The following GRM8 variants were observed in gnomAD, a reference collection of about 807,000 sequenced individuals.
GRM8 encodes glutamate metabotropic receptor 8.
In GRM8, 47 loss-of-function variants were observed where a neutral mutation model predicts 87.2. The observed-to-expected ratio is 0.54, with a 90% CI of 0.43 to 0.69. GRM8 has a LOEUF of 0.69. Among genes scored for constraint, GRM8 ranks in the 30% least tolerant of loss-of-function variants. GRM8 has a pLI of 0.00. For synonymous variants in GRM8, 396 were observed against 404.5 expected, an observed-to-expected ratio of 0.98 and a Z score of 0.25; for missense variants, 1,019 against 1,139.2, an observed-to-expected ratio of 0.89 and a Z score of 1.52.
At chr7:126,938,354 T>A (rs1415083820) in intron 3 of GRM8, among the ~76,000 whole-genome samples, 1 of 152,178 alleles carries the variant, frequency 6.6e-6, no homozygotes. Context: ...CTCCCTGAAA[T>A]GCCTTCCTAA....
rs1391322614 is a variant in GRM8, at chr7:126,652,844, A to G, written c.1358-43346T>C. Among the ~76,000 whole-genome samples, 3 of 152,144 alleles carry G rather than the reference A, an allele frequency of 2.0e-5. No individual in the cohort carries two copies. In the East Asian group the frequency reaches 5.8e-4, roughly 29 times the overall value. On this transcript the variant is annotated intron_variant, in intron 7 of 10. Transcript: ENST00000339582. Reference sequence around the variant, plus strand: ...TCTAAAGAACCCTGACCAATACAGAAGGCTTACACTCTTTATTCTAACAGG... The same window carrying G: ...TCTAAAGAACCCTGACCAATACAGAGGGCTTACACTCTTTATTCTAACAGG...
chr7:126,888,926 G>A (rs1240356445), intron 6 of GRM8, among the ~76,000 whole-genome samples: 2 of 152,022 alleles, frequency 1.3e-5, no homozygotes, highest in African/African-American at 2.4e-5. Flanking sequence ...CAAGCCTGCA[G>A]CTAAAGGTTA....
intron 8 of GRM8, among the ~76,000 whole-genome samples, chr7:126,600,241 T>C (rs1318492586): frequency 1.3e-5 from 2 of 152,186 alleles, no homozygotes; most frequent in South Asian, 2.1e-4. Flanking sequence ...TATCTGGAAA[T>C]ACAGTTGACC....
intron 3 of GRM8, among the ~76,000 whole-genome samples, chr7:126,955,459 TTAAA>T (rs538030291): frequency 6.2e-4 from 95 of 152,230 alleles, no homozygotes; most frequent in South Asian, 1.5e-3. Flanking sequence ...GACTAGGAAG[TTAAA>T]TAAATAAATA....
chr7:126,482,207 G>C (rs980372544), intron 9 of GRM8, among the ~76,000 whole-genome samples: 1 of 152,008 alleles, frequency 6.6e-6, no homozygotes, highest in African/African-American at 2.4e-5. Context: ...TTGTAGTAAT[G>C]TAAAATGGTA....
chr7:126,714,682 T>C (rs1345045877), intron 7 of GRM8, among the ~76,000 whole-genome samples: 2 of 152,158 alleles, frequency 1.3e-5, no homozygotes, highest in South Asian at 4.1e-4. Flanking sequence ...TTTTCATATA[T>C]ACAGTTGACA....
intron 7 of GRM8, among the ~76,000 whole-genome samples, chr7:126,749,205 A>C (rs1213493049): frequency 4.6e-5 from 7 of 152,064 alleles, no homozygotes; most frequent in African/African-American, 1.7e-4. Context: ...TTGAACCGGG[A>C]GGGAGAGGTT....
chr7:127,219,608 A>T (rs1796788311), intron 2 of GRM8: 1 of 151,952 alleles, frequency 6.6e-6, no homozygotes, highest in Admixed American at 6.6e-5. Context: ...CCAGCTAATT[A>T]TTTTTTTGTA....
chr7:127,212,580 G>A (rs1215628087), intron 2 of GRM8, among the ~76,000 whole-genome samples: 1 of 151,906 alleles, frequency 6.6e-6, no homozygotes, highest in Non-Finnish European at 1.5e-5. Context: ...ACTACGTCCG[G>A]CTAATTTTTT....
chr7:127,201,691 T>G (rs553136011), intron 2 of GRM8, among the ~76,000 whole-genome samples: 1 of 152,278 alleles, frequency 6.6e-6, no homozygotes, highest in East Asian at 1.9e-4. Context: ...CGTCAAAAAT[T>G]TACCCACTTT....
Position 126,593,207 on chromosome 7 carries a change from C to T in GRM8, c.1494+16155G>A, listed in dbSNP as rs79842273. Among the ~76,000 whole-genome samples the T allele has an allele frequency of 6.7e-3, 1,023 of 152,016 alleles. 7 individuals carry two copies. The highest frequency in any genetic ancestry group is 0.024 in the African/African-American group (986 of 41,536). ...ACACCAAGCAATCTACAATTCAATG[C>T]AATCCCTATCAAAATGCAAGTGCCA... On this transcript the variant is annotated intron_variant, in intron 8 of 10. Coordinates refer to ENST00000339582, the MANE Select transcript of GRM8 (RefSeq NM_000845.3).
chr7:127,224,350 A>C (rs1442222598), intron 2 of GRM8, among the ~76,000 whole-genome samples: 1 of 152,240 alleles, frequency 6.6e-6, no homozygotes, highest in Non-Finnish European at 1.5e-5. Flanking sequence ...TTTGAATGAC[A>C]GAGGATTTCG....
chr7:126,988,448 A>G (rs1347924768), intron 3 of GRM8, among the ~76,000 whole-genome samples: 1 of 152,248 alleles, frequency 6.6e-6, no homozygotes, highest in African/African-American at 2.4e-5. Flanking sequence ...TTTAGTTATA[A>G]AAGTCCTACT....
chr7:127,201,989 C>T (rs900471023), intron 2 of GRM8, among the ~76,000 whole-genome samples: 4 of 152,110 alleles, frequency 2.6e-5, no homozygotes, highest in African/African-American at 9.7e-5. Context: ...TATTTTGATG[C>T]TGCCTTTAAA....
At chr7:127,124,826 T>A (rs1052684728) in intron 2 of GRM8, among the ~76,000 whole-genome samples, 1 of 152,010 alleles carries the variant, frequency 6.6e-6, no homozygotes, top group Non-Finnish European at 1.5e-5. Context: ...TAGGAGTATA[T>A]AAAAAATTAA....
At chr7:126,448,016 A>T (rs1166724424) in intron 9 of GRM8, among the ~76,000 whole-genome samples, 1 of 151,998 alleles carries the variant, frequency 6.6e-6, no homozygotes, top group African/African-American at 2.4e-5. Flanking sequence ...ACTTTTAAGC[A>T]ACCTATTATT....
intron 6 of GRM8, among the ~76,000 whole-genome samples, chr7:126,827,423 C>T (rs533315453): frequency 6.6e-6 from 1 of 152,294 alleles, no homozygotes; most frequent in Non-Finnish European, 1.5e-5. Flanking sequence ...TTGAAGAGGT[C>T]CTTCACGTCC....
At chr7:126,789,808 T>C (rs915003689) in intron 6 of GRM8, among the ~76,000 whole-genome samples, 4 of 152,220 alleles carry the variant, frequency 2.6e-5, no homozygotes, top group African/African-American at 9.6e-5. Context: ...TAAGTTCCTT[T>C]CTATAGAAGG....
intron 9 of GRM8, among the ~76,000 whole-genome samples, chr7:126,459,677 T>C (rs1196657100): frequency 1.3e-5 from 2 of 151,376 alleles, no homozygotes; most frequent in African/African-American, 2.4e-5. Flanking sequence ...CTAATTACGG[T>C]GGCAATGCAG....
Sources: gnomAD v4.1 joint callset for allele counts (sites outside exome capture counted in the v4.1 genomes callset) on GRCh38, gnomAD v4.1.1 for gene constraint, MANE v1.5 for transcripts, NCBI Gene and HGNC (gene_info 2026-07-23, HGNC 2026-07-21) for gene names.